LDLRAD4: variants seen among roughly 807,000 people sequenced by gnomAD.
LDLRAD4 encodes the protein low-density lipoprotein receptor class A domain-containing protein 4.
Under a neutral mutation model 17.0 loss-of-function variants are expected in LDLRAD4, and 5 were observed. That is an observed-to-expected ratio of 0.29 (90% confidence interval 0.15 to 0.62). LDLRAD4 has a LOEUF of 0.62. LDLRAD4 is among the 20% of genes least tolerant of loss of function. The probability of loss-of-function intolerance (pLI) is 0.84; values close to 1 mark genes in which losing one functional copy is unlikely to be tolerated. For missense variants in LDLRAD4, 340 were observed against 424.7 expected (o/e 0.80, Z 1.75); for synonymous variants, 168 against 171.8 (o/e 0.98, Z 0.17).
intron 1 of LDLRAD4, among the ~76,000 whole-genome samples, chr18:13,222,466 G>C (rs746135866): frequency 1.3e-4 from 20 of 152,158 alleles, no homozygotes; most frequent in Non-Finnish European, 2.2e-4. Context: ...AGTGCAAGTT[G>C]GTGCTTGCCA....
exon 3 of LDLRAD4, chr18:13,438,373 G>A: frequency 1.9e-6 from 3 of 1,613,894 alleles, no homozygotes; most frequent in Non-Finnish European, 2.5e-6. Context: ...CCGCCTCCGG[G>A]CATCTTCAAC....
intron 3 of LDLRAD4, among the ~76,000 whole-genome samples, chr18:13,610,633 C>T (rs766489754): frequency 8.5e-5 from 13 of 152,268 alleles, no homozygotes; most frequent in South Asian, 2.1e-4. Context: ...TGGCCTACAG[C>T]GCTCCTCACT....
At chr18:13,292,269 C>G (rs895603644) in intron 1 of LDLRAD4, among the ~76,000 whole-genome samples, 1 of 152,190 alleles carries the variant, frequency 6.6e-6, no homozygotes, top group Non-Finnish European at 1.5e-5. Context: ...TGCTCATAGA[C>G]TGTCTGTGGG....
At position 13,310,356 on chromosome 18, in the gene LDLRAD4, TA is replaced by T. The variant is rs71370950; in HGVS notation, c.-383+32180del. On this transcript the variant is annotated intron_variant, in intron 1 of 5. Coordinates refer to ENST00000359446, the Ensembl canonical transcript of LDLRAD4. ...GGTGACAGAGTGAGACTCTGTCTCT[TA>T]AAAAAAAAAAAGGGAGATATTGGTG... Among the ~76,000 whole-genome samples the T allele has an allele frequency of 3.5e-3, 503 of 141,728 alleles. 1 individual carries two copies. The highest frequency in any genetic ancestry group is 5.0e-3 in the African/African-American group (194 of 38,904). The allele number at this position is 141,728 out of a possible 152,430, so 93.0% of individuals were successfully genotyped here.
chr18:13,351,866 A>G (rs2083055554), intron 1 of LDLRAD4, among the ~76,000 whole-genome samples: 1 of 152,232 alleles, frequency 6.6e-6, no homozygotes, highest in Non-Finnish European at 1.5e-5. Context: ...CATTTTCAAT[A>G]AGATACTGGC....
intron 1 of LDLRAD4, among the ~76,000 whole-genome samples, chr18:13,365,399 CAA>C (rs1599699320): frequency 6.6e-6 from 1 of 152,202 alleles, no homozygotes; most frequent in East Asian, 1.9e-4. Context: ...GAGTCTAGCA[CAA>C]AGTCAGGCTG....
At chr18:13,399,538 CT>C (rs1265546557) in intron 2 of LDLRAD4, among the ~76,000 whole-genome samples, 1 of 152,374 alleles carries the variant, frequency 6.6e-6, no homozygotes, top group African/African-American at 2.4e-5. Flanking sequence ...TCAAACATGA[CT>C]TTATGGCAAC....
chr18:13,364,540 C>T (rs1453488376), intron 1 of LDLRAD4, among the ~76,000 whole-genome samples: 1 of 152,114 alleles, frequency 6.6e-6, no homozygotes, highest in Non-Finnish European at 1.5e-5. Flanking sequence ...CAGGATCTCA[C>T]TGTGTTGTCT....
At position 13,552,918 on chromosome 18, in the gene LDLRAD4, G is replaced by A. The variant is rs555472032; in HGVS notation, c.182-68199G>A. Among the ~76,000 whole-genome samples, 3 of 152,272 alleles carry A rather than the reference G, an allele frequency of 2.0e-5. No homozygotes were observed. The East Asian group carries it at 5.8e-4, about 29-fold the overall frequency. ...AAAAAAGTTCCTAGAGTTATTATTG[G>A]TTAGGTTGAAATTAACCAATAATCA... On this transcript the variant is annotated intron_variant, in intron 3 of 5. Coordinates refer to ENST00000359446, the Ensembl canonical transcript of LDLRAD4.
chr18:13,429,128 G>A (rs911306560), intron 2 of LDLRAD4, among the ~76,000 whole-genome samples: 4 of 152,244 alleles, frequency 2.6e-5, no homozygotes, highest in East Asian at 3.9e-4. Context: ...TGCCATGTGC[G>A]TCGGGACATG....
rs544786833 is a variant in LDLRAD4, at chr18:13,306,927, A to C, written c.-383+28739A>C. 1.7e-3 allele frequency among the ~76,000 whole-genome samples: 252 copies of C among 152,366 alleles called. 1 individual carries two copies. The highest frequency in any genetic ancestry group is 2.6e-3 in the Non-Finnish European group (175 of 68,040). On this transcript the variant is annotated intron_variant, in intron 1 of 5. Coordinates refer to ENST00000359446, the Ensembl canonical transcript of LDLRAD4. The stretch of plus-strand genomic sequence containing the variant: ...ACACCAGAGGAATTAACACAGGACG[A>C]CTTAATGGAGATAAGTACTTCCAAA...
At chr18:13,229,339 C>A (rs746353128) in intron 1 of LDLRAD4, among the ~76,000 whole-genome samples, 3 of 152,216 alleles carry the variant, frequency 2.0e-5, no homozygotes, top group Non-Finnish European at 4.4e-5. Context: ...GGTCTCAGTT[C>A]ACCTCTGAAA....
At chr18:13,526,936 C>T (rs1433268987) in intron 3 of LDLRAD4, among the ~76,000 whole-genome samples, 2 of 152,176 alleles carry the variant, frequency 1.3e-5, no homozygotes, top group East Asian at 3.8e-4. Flanking sequence ...GGTGTCCTGG[C>T]CCCTTTTCTG....
chr18:13,399,904 C>A (rs995443043), intron 2 of LDLRAD4, among the ~76,000 whole-genome samples: 1 of 152,156 alleles, frequency 6.6e-6, no homozygotes, highest in East Asian at 1.9e-4. Flanking sequence ...ACAGGAAGAC[C>A]CTTTATTACC....
intron 1 of LDLRAD4, among the ~76,000 whole-genome samples, chr18:13,325,060 T>C (rs2081448168): frequency 6.6e-6 from 1 of 152,192 alleles, no homozygotes; most frequent in Non-Finnish European, 1.5e-5. Context: ...AGGGATGATT[T>C]CTGGTCTTGT....
rs149473491 is a variant in LDLRAD4, at chr18:13,636,493, T to C, written c.337-6866T>C. Among the ~76,000 whole-genome samples, 1,329 of 142,558 alleles carry C rather than the reference T, an allele frequency of 9.3e-3. 23 individuals carry two copies. The highest frequency in any genetic ancestry group is 0.03 in the African/African-American group (1,244 of 40,888). The allele number at this position is 142,558 out of a possible 152,430, so 93.5% of individuals were successfully genotyped here. A position where few individuals can be genotyped will look rare whatever the true frequency, so the allele number is the denominator to read the frequency against. On this transcript the variant is annotated intron_variant, in intron 4 of 5. Coordinates refer to ENST00000359446, the Ensembl canonical transcript of LDLRAD4. Reference sequence around the variant, plus strand: ...TTGAATGTTATAAAGTTGTTTTTGTTTTTGTTTTTGTTTTTGTTTTGAGAT... The same window carrying C: ...TTGAATGTTATAAAGTTGTTTTTGTCTTTGTTTTTGTTTTTGTTTTGAGAT...
chr18:13,242,188 T>A (rs1456761990), intron 1 of LDLRAD4: 1 of 152,268 alleles, frequency 6.6e-6, no homozygotes, highest in East Asian at 1.9e-4. Context: ...CTTGTTGACC[T>A]ACTGGAATCG....
chr18:13,519,634 A>G (rs563599980), intron 3 of LDLRAD4: 4 of 152,310 alleles, frequency 2.6e-5, no homozygotes, highest in African/African-American at 9.6e-5. Flanking sequence ...GTGTGGTGGC[A>G]TGCACCTGTA....
chr18:13,641,196 T>C (rs1279350019), intron 4 of LDLRAD4, among the ~76,000 whole-genome samples: 12 of 152,310 alleles, frequency 7.9e-5, no homozygotes, highest in Admixed American at 6.5e-4. Context: ...TTCAGCACTT[T>C]AGCAGGCTGA....
Sources: allele counts gnomAD v4.1 joint callset (sites outside exome capture counted in the v4.1 genomes callset), GRCh38; gene constraint gnomAD v4.1.1; transcripts MANE v1.5; gene names NCBI Gene and HGNC (gene_info 2026-07-23, HGNC 2026-07-21).